PRKAG2: variants seen among roughly 807,000 people sequenced by gnomAD.
The protein encoded by PRKAG2 is 5'-AMP-activated protein kinase subunit gamma-2.
PRKAG2 carries 26 observed loss-of-function variants against 69.6 expected under a neutral mutation model. The ratio of observed to expected loss-of-function variants is 0.37; its 90% CI spans 0.27 to 0.52. PRKAG2 has a LOEUF of 0.52. Ranked by LOEUF, PRKAG2 falls within the 20% of genes least tolerant of loss-of-function variation. The pLI is 0.90. For missense variants in PRKAG2, 557 were observed against 740.0 expected (o/e 0.75, Z 2.87); for synonymous variants, 293 against 285.0 (o/e 1.03, Z -0.28).
intron 4 of PRKAG2, among the ~76,000 whole-genome samples, chr7:151,667,383 A>G (rs1831212449): frequency 6.6e-6 from 1 of 152,226 alleles, no homozygotes; most frequent in Non-Finnish European, 1.5e-5. Flanking sequence ...ACCATCTAAA[A>G]ATAGCCAAAT....
chr7:151,722,862 C>T (rs1213098058), intron 3 of PRKAG2, among the ~76,000 whole-genome samples: 1 of 152,108 alleles, frequency 6.6e-6, no homozygotes, highest in Non-Finnish European at 1.5e-5. Flanking sequence ...TTCTTCCCTG[C>T]CCCAGAGGCC....
intron 3 of PRKAG2, among the ~76,000 whole-genome samples, chr7:151,726,371 G>C (rs1586093874): frequency 6.7e-6 from 1 of 148,284 alleles, no homozygotes; most frequent in Non-Finnish European, 1.5e-5. Flanking sequence ...AGGGAGGCAG[G>C]ACACACACAC....
chr7:151,584,769 C>T (rs926102314), intron 6 of PRKAG2, among the ~76,000 whole-genome samples: 5 of 152,138 alleles, frequency 3.3e-5, no homozygotes, highest in East Asian at 1.9e-4. Flanking sequence ...TGGTGGTGCA[C>T]GCCTGTAGTC....
At chr7:151,680,292 C>T (rs1411372787) in intron 3 of PRKAG2, among the ~76,000 whole-genome samples, 1 of 152,068 alleles carries the variant, frequency 6.6e-6, no homozygotes, top group South Asian at 2.1e-4. Flanking sequence ...AAAAGCAGAG[C>T]CTGGAGACGC....
At chr7:151,763,117 G>T (rs1031343085) in intron 3 of PRKAG2, among the ~76,000 whole-genome samples, 1 of 152,204 alleles carries the variant, frequency 6.6e-6, no homozygotes, top group Admixed American at 6.5e-5. Context: ...CCATTAAACT[G>T]AATCCATCCC....
intron 3 of PRKAG2, among the ~76,000 whole-genome samples, chr7:151,695,468 A>C (rs1836457763): frequency 6.6e-6 from 1 of 152,088 alleles, no homozygotes. Flanking sequence ...CTTTCTGTGC[A>C]CTTGTGCACA....
At chr7:151,841,925 CATGGTAGTGTTGGTAGGTAGTG>C (rs2079303814) in intron 1 of PRKAG2, among the ~76,000 whole-genome samples, 2 of 74,306 alleles carry the variant, frequency 2.7e-5, no homozygotes, top group African/African-American at 1.1e-4. Context: ...GGTAGGTAGT[CATGGTAGTGTTGGTAGGTAGTG>C]ATGGTAGTGA....
At chr7:151,773,771 C>T (rs1382168350) in intron 3 of PRKAG2, among the ~76,000 whole-genome samples, 2 of 152,170 alleles carry the variant, frequency 1.3e-5, no homozygotes, top group African/African-American at 4.8e-5. Context: ...CCTAAACCAA[C>T]TTGCAAAATC....
chr7:151,608,203 T>C (rs566102436), intron 5 of PRKAG2, among the ~76,000 whole-genome samples: 1 of 152,268 alleles, frequency 6.6e-6, no homozygotes, highest in South Asian at 2.1e-4. Flanking sequence ...GCTGAGGACT[T>C]AGGAACCAAC....
intron 3 of PRKAG2, among the ~76,000 whole-genome samples, chr7:151,712,251 C>T (rs1432239724): frequency 6.6e-6 from 1 of 152,220 alleles, no homozygotes; most frequent in African/African-American, 2.4e-5. Flanking sequence ...GGGACGGGCT[C>T]AGGCTCACTC....
At chr7:151,570,013 G>A (rs1328546009) in intron 10 of PRKAG2, among the ~76,000 whole-genome samples, 158 bp downstream of exon 10, 1 of 152,168 alleles carries the variant, frequency 6.6e-6, no homozygotes, top group Non-Finnish European at 1.5e-5. Flanking sequence ...TTTTTGTAGT[G>A]TTCCTAGATT....
intron 3 of PRKAG2, among the ~76,000 whole-genome samples, chr7:151,759,650 C>T (rs79788256): frequency 1.3e-5 from 2 of 152,186 alleles, no homozygotes; most frequent in South Asian, 4.1e-4. Context: ...CAGGCAGGAA[C>T]GATACCTGCT....
intron 1 of PRKAG2, among the ~76,000 whole-genome samples, chr7:151,843,469 T>G (rs1331841174): frequency 6.6e-6 from 1 of 152,218 alleles, no homozygotes; most frequent in Non-Finnish European, 1.5e-5. Context: ...GGCTTCATTG[T>G]TGTTTTCCCA....
rs59266280 is a variant in PRKAG2 at position 151,574,524 on chromosome 7, G to A, written c.1005+367C>T. ...TAATTCTTGTTCTGCAATTGCTGGG[G>A]TAACTGAATTAAGCTCTACCACCTC... is the stretch of plus-strand genomic sequence containing the variant. On this transcript the variant is annotated intron_variant, in intron 8 of 15. Transcript: ENST00000287878. 3.8e-3 allele frequency among the ~76,000 whole-genome samples: 583 copies of A among 152,300 alleles called. 5 individuals carry two copies. The highest frequency in any genetic ancestry group is 0.017 in the Middle Eastern group (5 of 294).
intron 3 of PRKAG2, among the ~76,000 whole-genome samples, chr7:151,716,281 G>T (rs764810132): frequency 2.2e-4 from 33 of 152,200 alleles, no homozygotes; most frequent in Admixed American, 1.3e-4. Flanking sequence ...GGCCGAGTGT[G>T]AAAGTGTTGA....
chr7:151,631,632 C>T (rs1242433674), intron 5 of PRKAG2: 1 of 455,138 alleles, frequency 2.2e-6, no homozygotes. Flanking sequence ...AGAAGACACA[C>T]CCTACCGGTC....
chr7:151,605,699 G>A (rs1817366522), intron 5 of PRKAG2, among the ~76,000 whole-genome samples: 2 of 152,154 alleles, frequency 1.3e-5, no homozygotes, highest in Non-Finnish European at 2.9e-5. Context: ...CAGCACTTTG[G>A]GAGGCCGAGG....
At chr7:151,619,644 A>T (rs755951170) in intron 5 of PRKAG2, among the ~76,000 whole-genome samples, 1 of 152,242 alleles carries the variant, frequency 6.6e-6, no homozygotes, top group East Asian at 1.9e-4. Flanking sequence ...TATATGAAAC[A>T]TGAATTTCGT....
chr7:151,852,751 A>C (rs1267936404), intron 1 of PRKAG2, among the ~76,000 whole-genome samples: 1 of 152,066 alleles, frequency 6.6e-6, no homozygotes, highest in African/African-American at 2.4e-5. Flanking sequence ...GAGACCGGAG[A>C]GGCCAGGGGT....
Sources: allele counts gnomAD v4.1 joint callset (sites outside exome capture counted in the v4.1 genomes callset), GRCh38; gene constraint gnomAD v4.1.1; transcripts MANE v1.5; gene names NCBI Gene and HGNC (gene_info 2026-07-23, HGNC 2026-07-21).